GPR161: variants seen among roughly 807,000 people sequenced by gnomAD.
GPR161 encodes G protein-coupled receptor 161.
GPR161 carries 25 observed loss-of-function variants against 39.2 expected under a neutral mutation model. That is an observed-to-expected ratio of 0.64 (90% CI 0.47 to 0.89). The LOEUF (loss-of-function observed/expected upper bound fraction) is 0.89, where lower values mean the gene tolerates loss of function less well. Among genes scored for constraint, GPR161 ranks in the 40% least tolerant of loss-of-function variants. GPR161 has a pLI of 0.00. For missense variants in GPR161, 547 were observed against 677.8 expected (o/e 0.81, Z 2.14); for synonymous variants, 286 against 276.6 (o/e 1.03, Z -0.34).
At position 168,081,320 on chromosome 1, in the gene GPR161, T is replaced by C. The variant is rs557396297; in HGVS notation, c.*4211A>G. 1.3e-5 allele frequency: 2 copies of C among 152,330 alleles called. No individual in the cohort carries two copies. Among genetic ancestry groups the C allele is most frequent in the South Asian group, 2.1e-4 (1 of 4,822 alleles). The allele number at this position is 152,330 out of a possible 1,614,324, so 9.4% of individuals were successfully genotyped here. On this transcript the variant is annotated 3_prime_UTR_variant, in exon 6 of 6. Transcript: ENST00000682931. ...GTCCTTCCTTGCTGTGCAACAAATA[T>C]GACAAAATTCCCAAGGCAAAAACCT...
chr1:168,130,103 T>C (rs1210020915), intron 1 of GPR161, among the ~76,000 whole-genome samples: 2 of 152,244 alleles, frequency 1.3e-5, no homozygotes, highest in African/African-American at 2.4e-5. Flanking sequence ...CTAATCATCC[T>C]ACCCTGTAAG....
At chr1:168,137,539 G>A (rs1427618200), upstream of GPR161, 18 of 726,518 alleles carry the variant, frequency 2.5e-5, no homozygotes, top group Non-Finnish European at 4.0e-5. Context: ...CTGCTGCCCT[G>A]CACTCCCTCG....
chr1:168,134,658 AT>A (rs761122182), intron 1 of GPR161, among the ~76,000 whole-genome samples: 13 of 152,334 alleles, frequency 8.5e-5, no homozygotes, highest in Middle Eastern at 3.4e-3. Flanking sequence ...ATTAAAAAAA[AT>A]GTTTTGAATC....
At chr1:168,099,838 G>C (rs1431838069) in intron 2 of GPR161, among the ~76,000 whole-genome samples, 144 of 116,312 alleles carry the variant, frequency 1.2e-3, no homozygotes, top group South Asian at 3.4e-3. Flanking sequence ...TTTTTTTTTG[G>C]GGGGGGGGGG....
chr1:168,118,262 A>T (rs572925237), intron 1 of GPR161, among the ~76,000 whole-genome samples: 1 of 152,372 alleles, frequency 6.6e-6, no homozygotes, highest in South Asian at 2.1e-4. Flanking sequence ...AAATATCCAG[A>T]ACATACAGAG....
chr1:168,091,735 G>A (rs2102118253), intron 3 of GPR161, among the ~76,000 whole-genome samples: 1 of 152,182 alleles, frequency 6.6e-6, no homozygotes, highest in African/African-American at 2.4e-5. Flanking sequence ...ATTACAATGG[G>A]TCATCCTCAG....
At chr1:168,118,904 A>G (rs550361759) in intron 1 of GPR161, among the ~76,000 whole-genome samples, 1 of 152,208 alleles carries the variant, frequency 6.6e-6, no homozygotes, top group Non-Finnish European at 1.5e-5. Context: ...GATATCCAGG[A>G]TGGCTACTAT....
At chr1:168,128,886 G>A (rs1257457371) in intron 1 of GPR161, among the ~76,000 whole-genome samples, 1 of 152,056 alleles carries the variant, frequency 6.6e-6, no homozygotes, top group African/African-American at 2.4e-5. Context: ...TACTGCCACT[G>A]GTTTCTGGAC....
chr1:168,131,774 T>C (rs952034603), intron 1 of GPR161, among the ~76,000 whole-genome samples: 1 of 151,984 alleles, frequency 6.6e-6, no homozygotes, highest in Admixed American at 6.6e-5. Flanking sequence ...ATAAGCAAAG[T>C]TGGGGAAGAA....
At position 168,090,572 on chromosome 1, in the gene GPR161, T is replaced by C. The variant is rs1412562086; in HGVS notation, c.1196A>G (p.Gln399Arg). Residue 399 changes from glutamine to arginine, a missense_variant, in exon 4 of 6, where the codon CAG (glutamine) becomes CGG (arginine). Coordinates refer to ENST00000682931, the MANE Select transcript of GPR161 (RefSeq NM_001375883.1). ...STGDTGFSCSQDSGTDMMLLE... is the reference protein window; with the variant it reads ...STGDTGFSCSRDSGTDMMLLE... ...TAAAGCACGCAGGTTACCTGAGTCCTGGGAGCAGCTGAAGCCAGTGTCCCC... is the reference window on the plus strand; with the variant it reads ...TAAAGCACGCAGGTTACCTGAGTCCCGGGAGCAGCTGAAGCCAGTGTCCCC... The C allele has an allele frequency of 7.5e-6, 12 of 1,593,994 alleles. No individual in the cohort carries two copies. The highest frequency in any genetic ancestry group is 1.0e-5 in the Non-Finnish European group (12 of 1,161,844).
Position 168,085,668 on chromosome 1 carries a change from GC to G in GPR161, c.1452del (p.Leu484PhefsTer26). The G allele has an allele frequency of 6.2e-7, 1 of 1,614,206 alleles. No homozygotes were observed. The highest frequency in any genetic ancestry group is 2.2e-5 in the East Asian group (1 of 44,888). On this transcript the variant is annotated frameshift_variant, in exon 6 of 6. Coordinates refer to ENST00000682931, the MANE Select transcript of GPR161 (RefSeq NM_001375883.1). LOFTEE classifies it low-confidence loss of function (END_TRUNC). ...AKINLFGEEALPGVLVTARTV... is the reference protein window; with the variant it reads ...AKINLFGEEAXPGVLVTARTV... ...GTCCGTGCTGTAACCAAGACCCCTG[GC>G]AAAGCCTCCTCCCCAAATAAGTTGA...
chr1:168,132,939 T>C (rs1397176695), intron 1 of GPR161, among the ~76,000 whole-genome samples: 1 of 152,176 alleles, frequency 6.6e-6, no homozygotes, highest in African/African-American at 2.4e-5. Context: ...GAGATGGGGT[T>C]TCACCATGTT....
intron 1 of GPR161, among the ~76,000 whole-genome samples, chr1:168,106,365 C>T (rs1164976904): frequency 6.6e-6 from 1 of 152,238 alleles, no homozygotes; most frequent in African/African-American, 2.4e-5. Flanking sequence ...TGTGGGCAGA[C>T]TGCTTGAGCT....
rs753864637 is a variant in GPR161, at chr1:168,085,779, T to C, written c.1342A>G (p.Ile448Val). 10 of 1,612,044 alleles carry C rather than the reference T, an allele frequency of 6.2e-6. No homozygotes were observed. The highest frequency in any genetic ancestry group is 8.5e-6 in the Non-Finnish European group (10 of 1,178,252). The change falls in exon 6 of 6, where the codon ATT (isoleucine) becomes GTT (valine). Residue 448 changes from isoleucine (I) to valine (V), a missense_variant. Coordinates refer to ENST00000682931, the MANE Select transcript of GPR161 (RefSeq NM_001375883.1). The stretch of plus-strand genomic sequence containing the variant: ...TGTACTTCAGCTTTCACATGAAGAA[T>C]CGAGTTCTTGGCAGCTTCTGAGGGA... ...EQIKEAAKNS[I>V]LHVKAEVHKS...
At chr1:168,087,410 A>T (rs1371731704) in intron 5 of GPR161, among the ~76,000 whole-genome samples, 175 bp downstream of exon 5, 2 of 152,014 alleles carry the variant, frequency 1.3e-5, no homozygotes, top group South Asian at 2.1e-4. Context: ...TGCTCTGAGA[A>T]CTGGGTGCCT....
intron 1 of GPR161, among the ~76,000 whole-genome samples, chr1:168,108,486 TA>T (rs10670498): frequency 0.11 from 1,977 of 17,270 alleles, 34 homozygotes; most frequent in Non-Finnish European, 0.15. Context: ...GCCCTAGTTG[TA>T]AAAAAAAAAA....
chr1:168,109,454 C>T (rs1696924584), intron 1 of GPR161, among the ~76,000 whole-genome samples: 1 of 152,152 alleles, frequency 6.6e-6, no homozygotes, highest in African/African-American at 2.4e-5. Flanking sequence ...GGCAGAATGA[C>T]TTTGGGCCCT....
chr1:168,123,430 C>A (rs998921850), intron 1 of GPR161, among the ~76,000 whole-genome samples: 30 of 151,974 alleles, frequency 2.0e-4, no homozygotes, highest in African/African-American at 6.8e-4. Flanking sequence ...TACACCCCAG[C>A]CTGGGCAACA....
chr1:168,133,850 A>G (rs1237014294), intron 1 of GPR161: 3 of 778,086 alleles, frequency 3.9e-6, no homozygotes, highest in South Asian at 5.8e-5. Flanking sequence ...CATGTTTTAT[A>G]TAATAGCAAT....
Sources: allele counts gnomAD v4.1 joint callset (sites outside exome capture counted in the v4.1 genomes callset), GRCh38; gene constraint gnomAD v4.1.1; transcripts MANE v1.5; gene names NCBI Gene and HGNC (gene_info 2026-07-23, HGNC 2026-07-21).